KLHL4: variants seen among roughly 807,000 people sequenced by gnomAD.
KLHL4 encodes kelch like family member 4.
Under a neutral mutation model 45.8 loss-of-function variants are expected in KLHL4, and 17 were observed. The ratio of observed to expected loss-of-function variants is 0.37; its 90% CI spans 0.25 to 0.56. The LOEUF is 0.56. KLHL4 is among the 20% of genes least tolerant of loss of function. The probability of loss-of-function intolerance (pLI) is 0.79; values close to 1 mark genes in which losing one functional copy is unlikely to be tolerated. For synonymous variants in KLHL4, 224 were observed against 189.9 expected, an observed-to-expected ratio of 1.18 and a Z score of -1.47; for missense variants, 544 against 544.9, an observed-to-expected ratio of 1.00 and a Z score of 0.02.
intron 4 of KLHL4, among the ~76,000 whole-genome samples, 156 bp from the exon 5 acceptor site, chrX:87,622,046 CTGTTACCCA>C (rs1922768255): frequency 8.9e-6 from 1 of 111,932 alleles, no homozygotes; most frequent in Admixed American, 9.6e-5. Context: ...AGAAGGCTCC[CTGTTACCCA>C]TGTCACAGGT....
chrX:87,645,945 T>C (rs1244004071), intron 9 of KLHL4, among the ~76,000 whole-genome samples: 1 of 110,973 alleles, frequency 9.0e-6, no homozygotes, highest in Non-Finnish European at 1.9e-5. Context: ...ACAAATATGG[T>C]GCAGTGTATA....
At chrX:87,566,412 T>C (rs4828180) in intron 1 of KLHL4, among the ~76,000 whole-genome samples, 49,739 of 110,079 alleles carry the variant, frequency 0.45, 8,139 homozygotes, top group East Asian at 0.77. Flanking sequence ...AAGTTGAAAA[T>C]GCAAATAATA....
chrX:87,568,664 A>G (rs1042350289), intron 1 of KLHL4, among the ~76,000 whole-genome samples: 2 of 110,863 alleles, frequency 1.8e-5, no homozygotes, highest in African/African-American at 6.5e-5. Flanking sequence ...GACCAACAAA[A>G]TAAAAAAGAA....
At chrX:87,638,869 G>A (rs925591839) in intron 9 of KLHL4, among the ~76,000 whole-genome samples, 1 of 111,324 alleles carries the variant, frequency 9.0e-6, no homozygotes, top group Non-Finnish European at 1.9e-5. Flanking sequence ...ATGTAAAATG[G>A]CCTAAATGCT....
chrX:87,641,935 C>A (rs1923475085), intron 9 of KLHL4, among the ~76,000 whole-genome samples: 1 of 107,631 alleles, frequency 9.3e-6, no homozygotes, highest in Non-Finnish European at 1.9e-5. Context: ...CCCACCCCCA[C>A]CTGATGGCCC....
chrX:87,606,353 T>A (rs941284572), intron 1 of KLHL4, among the ~76,000 whole-genome samples: 1 of 110,812 alleles, frequency 9.0e-6, no homozygotes, highest in Non-Finnish European at 1.9e-5. Context: ...AGCCTAAAAT[T>A]GGTAGAAGAA....
intron 9 of KLHL4, among the ~76,000 whole-genome samples, chrX:87,662,467 A>G (rs1305780111): frequency 8.9e-6 from 1 of 112,135 alleles, no homozygotes; most frequent in Non-Finnish European, 1.9e-5. Context: ...ATATAGAACA[A>G]TAAAAGTTAA....
chrX:87,598,880 C>A (rs953531667), intron 1 of KLHL4, among the ~76,000 whole-genome samples: 2 of 110,034 alleles, frequency 1.8e-5, no homozygotes, highest in East Asian at 5.7e-4. Context: ...ACCTCTCTGT[C>A]GAATAGTAGT....
chrX:87,651,870 G>T (rs1923825558), intron 9 of KLHL4, among the ~76,000 whole-genome samples: 1 of 112,521 alleles, frequency 8.9e-6, no homozygotes, highest in Non-Finnish European at 1.9e-5. Context: ...CCCCAGTAGA[G>T]AATCTGTGTG....
At chrX:87,617,222 T>A (rs768952701) in intron 3 of KLHL4, among the ~76,000 whole-genome samples, 1 of 110,369 alleles carries the variant, frequency 9.1e-6, no homozygotes, top group Non-Finnish European at 1.9e-5. Flanking sequence ...TTTTTTTTTT[T>A]ATAACAAAGC....
Position 87,518,495 on chromosome X carries a change from C to T in KLHL4, c.422+180C>T, listed in dbSNP as rs755904560. On this transcript the variant is annotated intron_variant, in intron 1 of 10. Transcript: ENST00000373119. Reference sequence around the variant, plus strand: ...TAAAAGAAAACAGCAATAATGAATACGTCTTTATAATTACCGGAAATTTGG... The same window carrying T: ...TAAAAGAAAACAGCAATAATGAATATGTCTTTATAATTACCGGAAATTTGG... 4.4e-4 allele frequency among the ~76,000 whole-genome samples: 49 copies of T among 111,876 alleles called. No individual in the cohort carries two copies. In the South Asian group the frequency reaches 7.8e-3, roughly 18 times the overall value.
intron 6 of KLHL4, among the ~76,000 whole-genome samples, chrX:87,628,071 A>G (rs1157798743): frequency 8.9e-6 from 1 of 111,866 alleles, no homozygotes. Flanking sequence ...CGGAGACACT[A>G]TAAAAGGCTC....
chrX:87,642,526 G>A (rs1470362984), intron 9 of KLHL4, among the ~76,000 whole-genome samples: 1 of 111,921 alleles, frequency 8.9e-6, no homozygotes, highest in East Asian at 2.8e-4. Context: ...TAGTTCACCA[G>A]CAGTGGATCC....
At chrX:87,609,664 C>G (rs1039671171) in intron 1 of KLHL4, among the ~76,000 whole-genome samples, 8 of 111,177 alleles carry the variant, frequency 7.2e-5, no homozygotes, top group African/African-American at 2.6e-4. Flanking sequence ...AATATTAGCC[C>G]TTTGTCAGAT....
intron 9 of KLHL4, among the ~76,000 whole-genome samples, chrX:87,659,865 G>A (rs1279802229): frequency 1.9e-4 from 21 of 111,105 alleles, no homozygotes; most frequent in Admixed American, 1.7e-3. Flanking sequence ...AGCAGGTCAT[G>A]TTCTGTGCCT....
chrX:87,655,613 T>C (rs983335963), intron 9 of KLHL4, among the ~76,000 whole-genome samples: 1 of 111,328 alleles, frequency 9.0e-6, no homozygotes, highest in African/African-American at 3.3e-5. Context: ...AAGAAGTGTA[T>C]GGTCGGATCC....
At chrX:87,544,186 T>C (rs1281114469) in intron 1 of KLHL4, among the ~76,000 whole-genome samples, 2 of 111,338 alleles carry the variant, frequency 1.8e-5, no homozygotes, top group Admixed American at 1.9e-4. Flanking sequence ...ATTCTGGCTG[T>C]ATACCTTGTG....
At chrX:87,532,895 A>G (rs998602543) in intron 1 of KLHL4, among the ~76,000 whole-genome samples, 29 of 110,549 alleles carry the variant, frequency 2.6e-4, no homozygotes, top group Non-Finnish European at 4.5e-4. Flanking sequence ...TGGGCAAAGG[A>G]CATGAACAGA....
intron 1 of KLHL4, among the ~76,000 whole-genome samples, chrX:87,575,726 A>T (rs751048405): frequency 1.8e-5 from 2 of 111,509 alleles, no homozygotes; most frequent in Non-Finnish European, 3.8e-5. Context: ...CTGAAGTGGT[A>T]ACAGTATTAG....
Sources: allele counts gnomAD v4.1 joint callset (sites outside exome capture counted in the v4.1 genomes callset), GRCh38; gene constraint gnomAD v4.1.1; transcripts MANE v1.5; gene names NCBI Gene and HGNC (gene_info 2026-07-23, HGNC 2026-07-21).